PACRG: variants seen among roughly 807,000 people sequenced by gnomAD.
The protein encoded by PACRG is parkin coregulated gene protein.
In PACRG, 29 loss-of-function variants were observed where a neutral mutation model predicts 29.7. The observed-to-expected ratio is 0.98, with a 90% CI of 0.73 to 1.33. The LOEUF is 1.33. Among genes scored for constraint, PACRG ranks in the 40% most tolerant of loss-of-function variants. The pLI is 0.00. For missense variants in PACRG, 279 were observed against 316.2 expected (o/e 0.88, Z 0.89); for synonymous variants, 116 against 118.7 (o/e 0.98, Z 0.15).
At chr6:162,867,612 A>G (rs767580109) in intron 2 of PACRG, among the ~76,000 whole-genome samples, 10 of 152,132 alleles carry the variant, frequency 6.6e-5, no homozygotes, top group Non-Finnish European at 1.5e-4. Context: ...GCATTGAGAT[A>G]TTTTCCAAAC....
chr6:163,107,749 T>C (rs541497581), intron 4 of PACRG, among the ~76,000 whole-genome samples: 20 of 152,270 alleles, frequency 1.3e-4, no homozygotes, highest in African/African-American at 4.8e-4. Context: ...GCAGACCTTT[T>C]CTTTGTTGGA....
At chr6:163,156,528 A>G (rs2128340245) in intron 4 of PACRG, among the ~76,000 whole-genome samples, 1 of 152,166 alleles carries the variant, frequency 6.6e-6, no homozygotes, top group African/African-American at 2.4e-5. Context: ...GTTCCCACTG[A>G]GGAGCTCTCT....
At chr6:163,003,768 C>T (rs1019383343) in intron 2 of PACRG, among the ~76,000 whole-genome samples, 13 of 152,158 alleles carry the variant, frequency 8.5e-5, no homozygotes, top group African/African-American at 2.9e-4. Context: ...TCTCTGCCTG[C>T]CACCAGGTTA....
chr6:162,808,090 G>A (rs1406291694), intron 1 of PACRG, among the ~76,000 whole-genome samples: 1 of 151,968 alleles, frequency 6.6e-6, no homozygotes, highest in African/African-American at 2.4e-5. Context: ...TGGTCATTTG[G>A]TGACCTTGAG....
intron 4 of PACRG, among the ~76,000 whole-genome samples, chr6:163,137,694 T>C (rs527341092): frequency 1.3e-5 from 2 of 151,190 alleles, no homozygotes; most frequent in Admixed American, 6.6e-5. Context: ...AAGTGCTTAC[T>C]GGTACCAGGG....
intron 1 of PACRG, among the ~76,000 whole-genome samples, chr6:162,771,373 C>T (rs1783206847): frequency 6.6e-6 from 1 of 152,132 alleles, no homozygotes; most frequent in Non-Finnish European, 1.5e-5. Context: ...CATTCCTCTT[C>T]CAGGGTTATA....
chr6:162,736,191 A>G (rs1780151546), intron 1 of PACRG, among the ~76,000 whole-genome samples: 1 of 152,220 alleles, frequency 6.6e-6, no homozygotes, highest in Non-Finnish European at 1.5e-5. Context: ...CCATATCTAC[A>G]TTTTTATCTT....
At chr6:163,197,446 T>TCTTTTCTTTTCTTTTCTTTTCTTTTC (rs1562959303) in intron 4 of PACRG, among the ~76,000 whole-genome samples, 1 of 141,446 alleles carries the variant, frequency 7.1e-6, no homozygotes, top group African/African-American at 2.6e-5. Context: ...TTTTTTTTTT[T>TCTTTTCTTTTCTTTTCTTTTCTTTTC]TTTTTTTTTT....
intron 2 of PACRG, among the ~76,000 whole-genome samples, chr6:162,833,704 G>A (rs1788974782): frequency 1.3e-5 from 2 of 151,382 alleles, no homozygotes; most frequent in South Asian, 4.2e-4. Flanking sequence ...TTTTTAATGG[G>A]ACTGCAATTA....
intron 4 of PACRG, among the ~76,000 whole-genome samples, chr6:163,167,509 C>T (rs1007178806): frequency 1.3e-5 from 2 of 152,226 alleles, no homozygotes; most frequent in East Asian, 3.9e-4. Flanking sequence ...AATGAAAATA[C>T]TTTATAACTA....
intron 4 of PACRG, among the ~76,000 whole-genome samples, chr6:163,108,743 GT>G (rs1453649990): frequency 6.6e-6 from 1 of 152,060 alleles, no homozygotes; most frequent in Non-Finnish European, 1.5e-5. Flanking sequence ...ATATTAAGTT[GT>G]TGCGCCAACC....
intron 2 of PACRG, among the ~76,000 whole-genome samples, chr6:162,929,691 C>A (rs112612632): frequency 2.0e-5 from 3 of 151,814 alleles, no homozygotes; most frequent in African/African-American, 7.3e-5. Flanking sequence ...ATGATCTCTC[C>A]GGGTAGTTTC....
chr6:163,148,874 C>G (rs980656139), intron 4 of PACRG, among the ~76,000 whole-genome samples: 1 of 149,984 alleles, frequency 6.7e-6, no homozygotes, highest in Non-Finnish European at 1.5e-5. Flanking sequence ...TTGGTACCAA[C>G]CCATAACTGG....
chr6:162,958,884 TAGAGAGAGAGAGAGAGAGAG>T (rs200270873), intron 2 of PACRG, among the ~76,000 whole-genome samples: 101 of 21,106 alleles, frequency 4.8e-3, no homozygotes, highest in African/African-American at 0.013. Context: ...TATATATATA[TAGAGAGAGAGAGAGAGAGAG>T]AGAGAGAGAG....
chr6:163,300,263 A>G (rs764030939), intron 4 of PACRG, among the ~76,000 whole-genome samples: 34 of 152,358 alleles, frequency 2.2e-4, no homozygotes, highest in Admixed American at 9.2e-4. Context: ...TCTACTCTGC[A>G]GATGACGTTG....
At chr6:162,831,563 T>C (rs1472146209) in intron 2 of PACRG, among the ~76,000 whole-genome samples, 3 of 152,194 alleles carry the variant, frequency 2.0e-5, no homozygotes, top group Non-Finnish European at 2.9e-5. Context: ...TAGGTAAATG[T>C]GTGCCATGGT....
intron 4 of PACRG, among the ~76,000 whole-genome samples, chr6:163,287,344 A>G (rs1358912676): frequency 6.6e-6 from 1 of 152,178 alleles, no homozygotes; most frequent in Non-Finnish European, 1.5e-5. Flanking sequence ...TACAGAAGGG[A>G]AAGGGACCCC....
chr6:162,882,840 C>T (rs1794013794), intron 2 of PACRG, among the ~76,000 whole-genome samples: 1 of 152,194 alleles, frequency 6.6e-6, no homozygotes, highest in African/African-American at 2.4e-5. Flanking sequence ...CGCGTCTTCC[C>T]CACTTTAGCA....
intron 4 of PACRG, among the ~76,000 whole-genome samples, chr6:163,109,871 T>C (rs1484298652): frequency 1.3e-5 from 2 of 152,198 alleles, no homozygotes; most frequent in South Asian, 2.1e-4. Context: ...TGGGACTTGA[T>C]ATGCAAACTC....
Sources: gnomAD v4.1 joint callset for allele counts (sites outside exome capture counted in the v4.1 genomes callset) on GRCh38, gnomAD v4.1.1 for gene constraint, MANE v1.5 for transcripts, NCBI Gene and HGNC (gene_info 2026-07-23, HGNC 2026-07-21) for gene names.